Variants in ZNF431 observed in about 807,000 individuals in gnomAD.
ZNF431 encodes the protein zinc finger protein 431.
ZNF431 carries 34 observed loss-of-function variants against 57.0 expected under a neutral mutation model. That is an observed-to-expected ratio of 0.60 (90% CI 0.45 to 0.79). The LOEUF is 0.79. ZNF431 is among the 30% of genes least tolerant of loss of function. ZNF431 has a pLI of 0.00. For synonymous variants in ZNF431, 207 were observed against 220.3 expected, an observed-to-expected ratio of 0.94 and a Z score of 0.54; for missense variants, 607 against 667.1, an observed-to-expected ratio of 0.91 and a Z score of 0.99.
At chr19:21,176,529 C>T (rs1282575135) in intron 4 of ZNF431, among the ~76,000 whole-genome samples, 3 of 152,020 alleles carry the variant, frequency 2.0e-5, no homozygotes, top group African/African-American at 7.3e-5. Flanking sequence ...AGCCGTGAGC[C>T]ACTGTGCCCG....
rs1971579882 is a variant in ZNF431, at chr19:21,195,062, A to T, written c.*11028A>T. On this transcript the variant is annotated 3_prime_UTR_variant, in exon 5 of 5. Coordinates refer to ENST00000311048, the MANE Select transcript of ZNF431 (RefSeq NM_133473.4). ...AGTGGTTGGGAATAACAACATTTGCAGGCTCATGAGAGCTGCCTGACAAAA... is the reference window on the plus strand; with the variant it reads ...AGTGGTTGGGAATAACAACATTTGCTGGCTCATGAGAGCTGCCTGACAAAA... 6.6e-6 allele frequency: 1 copy of T among 152,220 alleles called. No homozygotes were observed. The highest frequency in any genetic ancestry group is 1.5e-5 in the Non-Finnish European group (1 of 68,044). The allele number at this position is 152,220 out of a possible 1,614,324, so 9.4% of individuals were successfully genotyped here. A position where few individuals can be genotyped will look rare whatever the true frequency, so the allele number is the denominator to read the frequency against.
At chr19:21,153,963 GC>G (rs1970348544) in intron 2 of ZNF431, among the ~76,000 whole-genome samples, 1 of 152,164 alleles carries the variant, frequency 6.6e-6, no homozygotes, top group Admixed American at 6.5e-5. Flanking sequence ...TGAGCCACCT[GC>G]CTTGGCCTCC....
intron 2 of ZNF431, among the ~76,000 whole-genome samples, chr19:21,145,083 C>T (rs1030069293): frequency 6.6e-6 from 1 of 151,746 alleles, no homozygotes; most frequent in African/African-American, 2.4e-5. Context: ...ATTTTTCAAA[C>T]ACATAGTTTC....
At chr19:21,171,535 ATG>A (rs985887626) in intron 4 of ZNF431, among the ~76,000 whole-genome samples, 1 of 151,718 alleles carries the variant, frequency 6.6e-6, no homozygotes, top group Non-Finnish European at 1.5e-5. Context: ...ATCAGATTAT[ATG>A]TGTGTGTGTT....
intron 2 of ZNF431, among the ~76,000 whole-genome samples, chr19:21,152,176 C>G (rs1035763683): frequency 2.0e-5 from 3 of 152,158 alleles, no homozygotes; most frequent in African/African-American, 7.2e-5. Context: ...ACTTAATAAT[C>G]AGGAGTTTTA....
Position 21,184,254 on chromosome 19 carries a change from G to T in ZNF431, c.*220G>T, listed in dbSNP as rs186767782. On this transcript the variant is annotated 3_prime_UTR_variant, in exon 5 of 5. Coordinates refer to ENST00000311048, the MANE Select transcript of ZNF431 (RefSeq NM_133473.4). Reference sequence around the variant, plus strand: ...ATTCCCATCTACTCGGGAGGCTTAGGCAGGATAATCACTTGAACCTGGGAG... The same window carrying T: ...ATTCCCATCTACTCGGGAGGCTTAGTCAGGATAATCACTTGAACCTGGGAG... 7.0e-4 allele frequency: 282 copies of T among 400,168 alleles called. 2 individuals carry two copies. The highest frequency in any genetic ancestry group is 5.3e-3 in the African/African-American group (261 of 49,160). The allele number at this position is 400,168 out of a possible 1,614,324, so 24.8% of individuals were successfully genotyped here.
rs150040119 is a variant in ZNF431 at position 21,188,366 on chromosome 19, G to A, written c.*4332G>A. 532 of 152,056 alleles carry A rather than the reference G, an allele frequency of 3.5e-3. 2 individuals are homozygous for A. Among genetic ancestry groups the A allele is most frequent in the African/African-American group, 0.012 (490 of 41,512 alleles). 9.4% of individuals were successfully genotyped at this position (152,056 alleles called of 1,614,324 possible). A position where few individuals can be genotyped will look rare whatever the true frequency, so the allele number is the denominator to read the frequency against. ...ATCTTACTAGATTCTTATACAAAGT[G>A]TGGCAAATATAAAACTTGCTTGAAA... On this transcript the variant is annotated 3_prime_UTR_variant, in exon 5 of 5. Transcript: ENST00000311048.
chr19:21,145,418 A>C (rs1970057112), intron 2 of ZNF431, among the ~76,000 whole-genome samples: 1 of 152,228 alleles, frequency 6.6e-6, no homozygotes, highest in Admixed American at 6.5e-5. Context: ...CGGAGCTTAC[A>C]GTGAGCCAAG....
chr19:21,190,432 C>CA lies in ZNF431; in HGVS notation c.*6399dup, dbSNP rs1473581091. 1 of 152,172 alleles carries CA rather than the reference C, an allele frequency of 6.6e-6. No homozygotes were observed. The highest frequency in any genetic ancestry group is 1.5e-5 in the Non-Finnish European group (1 of 68,036). The allele number at this position is 152,172 out of a possible 1,614,324, so 9.4% of individuals were successfully genotyped here. A position where few individuals can be genotyped will look rare whatever the true frequency, so the allele number is the denominator to read the frequency against. On this transcript the variant is annotated 3_prime_UTR_variant, in exon 5 of 5. Transcript: ENST00000311048. ...TTTTGTTTTTCGTAATGGCTATCCT[C>CA]ATTTACGTTCACACCAACAGTGTGC...
At chr19:21,155,615 C>A (rs1458502681) in intron 2 of ZNF431, among the ~76,000 whole-genome samples, 1 of 151,990 alleles carries the variant, frequency 6.6e-6, no homozygotes, top group Non-Finnish European at 1.5e-5. Context: ...CTTGCGGAGT[C>A]CCCAATTTTT....
At position 21,184,884 on chromosome 19, in the gene ZNF431, G is replaced by GTTGTA. The variant is rs1971323580; in HGVS notation, c.*851_*855dup. ...GTTGAACATCACAAATATAAAAAGGGTTGTAGTGCCTTTACTTGTATCACA... is the reference window on the plus strand; with the variant it reads ...GTTGAACATCACAAATATAAAAAGGGTTGTATTGTAGTGCCTTTACTTGTATCACA... On this transcript the variant is annotated 3_prime_UTR_variant, in exon 5 of 5. Transcript: ENST00000311048. 1 of 152,104 alleles carries GTTGTA rather than the reference G, an allele frequency of 6.6e-6. No homozygotes were observed. The highest frequency in any genetic ancestry group is 1.5e-5 in the Non-Finnish European group (1 of 68,022). The allele number at this position is 152,104 out of a possible 1,614,324, so 9.4% of individuals were successfully genotyped here. A position where few individuals can be genotyped will look rare whatever the true frequency, so the allele number is the denominator to read the frequency against.
intron 2 of ZNF431, among the ~76,000 whole-genome samples, chr19:21,157,771 G>A (rs563211690): frequency 3.3e-4 from 50 of 151,508 alleles, no homozygotes; most frequent in Non-Finnish European, 5.0e-4. Flanking sequence ...CCCATGATCC[G>A]CCCGCCTCGG....
At chr19:21,142,548 C>T (rs533891861) in intron 1 of ZNF431, among the ~76,000 whole-genome samples, 2 of 152,262 alleles carry the variant, frequency 1.3e-5, no homozygotes, top group East Asian at 3.9e-4. Flanking sequence ...AGCTTTGTTC[C>T]GTGGAGTTCC....
At chr19:21,152,554 C>T (rs1260120917) in intron 2 of ZNF431, among the ~76,000 whole-genome samples, 2 of 152,130 alleles carry the variant, frequency 1.3e-5, no homozygotes, top group African/African-American at 4.8e-5. Flanking sequence ...TTAGCTGAGA[C>T]GGATTTTACT....
In ZNF431 at chr19:21,182,706, G is replaced by A. The variant is rs1971240027; in HGVS notation, c.403G>A (p.Gly135Ser). The A allele has an allele frequency of 6.2e-7, 1 of 1,613,832 alleles. No individual in the cohort carries two copies. Among genetic ancestry groups the A allele is most frequent in the East Asian group, 2.2e-5 (1 of 44,828 alleles). ...SFQQVILRRY[G>S]KCEHENLQLR... is the part of the protein sequence containing the mutation. The stretch of plus-strand genomic sequence containing the variant: ...TCAACAAGTAATACTGAGAAGATAT[G>A]GCAAATGTGAACATGAGAATTTACA... Residue 135 changes from glycine to serine, a missense_variant, in exon 5 of 5, where the codon GGC (glycine) becomes AGC (serine). Coordinates refer to ENST00000311048, the MANE Select transcript of ZNF431 (RefSeq NM_133473.4).
At chr19:21,179,061 T>A (rs951133448) in intron 4 of ZNF431, among the ~76,000 whole-genome samples, 3 of 152,208 alleles carry the variant, frequency 2.0e-5, no homozygotes, top group Non-Finnish European at 4.4e-5. Flanking sequence ...CATTGGTCTA[T>A]GCAGCGATTC....
intron 2 of ZNF431, chr19:21,150,018 C>G: frequency 1.7e-6 from 1 of 590,812 alleles, no homozygotes; most frequent in Non-Finnish European, 3.2e-6. Flanking sequence ...AAGGTGGTGA[C>G]AGTGTTAATT....
chr19:21,142,648 GC>G (rs1969974442), intron 1 of ZNF431, among the ~76,000 whole-genome samples: 1 of 152,172 alleles, frequency 6.6e-6, no homozygotes, highest in Non-Finnish European at 1.5e-5. Flanking sequence ...AAATTGTGGA[GC>G]ACCCAGCTGT....
At chr19:21,147,378 T>C (rs2144925372) in intron 2 of ZNF431, among the ~76,000 whole-genome samples, 1 of 152,078 alleles carries the variant, frequency 6.6e-6, no homozygotes, top group Middle Eastern at 3.4e-3. Context: ...AATCCCAGCC[T>C]AGTTGGGAGG....
Sources: allele counts gnomAD v4.1 joint callset (sites outside exome capture counted in the v4.1 genomes callset), GRCh38; gene constraint gnomAD v4.1.1; transcripts MANE v1.5; gene names NCBI Gene and HGNC (gene_info 2026-07-23, HGNC 2026-07-21).